ADGRL3: variants seen among roughly 807,000 people sequenced by gnomAD.
ADGRL3 encodes adhesion G protein-coupled receptor L3, also known as calcium-independent alpha-latrotoxin receptor 3.
ADGRL3 carries 62 observed loss-of-function variants against 153.5 expected under a neutral mutation model. The observed-to-expected ratio is 0.40, with a 90% CI of 0.33 to 0.50. The LOEUF (loss-of-function observed/expected upper bound fraction) is 0.50, where lower values mean the gene tolerates loss of function less well. ADGRL3 is among the 20% of genes least tolerant of loss of function. The pLI, the probability that ADGRL3 is intolerant of heterozygous loss-of-function variation, is 0.47. For missense variants in ADGRL3, 1,641 were observed against 1,859.4 expected, an observed-to-expected ratio of 0.88 and a Z score of 2.16; for synonymous variants, 710 against 672.5, an observed-to-expected ratio of 1.06 and a Z score of -0.86.
chr4:61,277,858 C>A (rs551191860), intron 1 of ADGRL3, among the ~76,000 whole-genome samples: 1 of 152,124 alleles, frequency 6.6e-6, no homozygotes, highest in African/African-American at 2.4e-5. Context: ...CATATTAGAC[C>A]TAGCAATGTA....
rs1300897095 is a variant in ADGRL3 at position 61,200,753 on chromosome 4, C to G, written c.-1252C>G. Among the ~76,000 whole-genome samples the G allele has an allele frequency of 6.6e-6, 1 of 152,128 alleles. No individual in the cohort carries two copies. The highest frequency in any genetic ancestry group is 1.9e-4 in the East Asian group (1 of 5,156). ...CTGGAGAGCGCCAGTGCCTCGCTCG[C>G]TCTTGGGGAGTCGAAGAAGAGAAAG... On this transcript the variant is annotated 5_prime_UTR_variant, in exon 1 of 27. Coordinates refer to ENST00000683033, the MANE Select transcript of ADGRL3 (RefSeq NM_001387552.1).
intron 2 of ADGRL3, among the ~76,000 whole-genome samples, chr4:61,458,366 A>T (rs563086340): frequency 3.3e-5 from 5 of 151,016 alleles, no homozygotes; most frequent in Admixed American, 2.6e-4. Flanking sequence ...GAGATTTATA[A>T]AAAACAATAA....
chr4:61,624,713 A>T (rs1222909542), intron 5 of ADGRL3, among the ~76,000 whole-genome samples: 2 of 152,122 alleles, frequency 1.3e-5, no homozygotes, highest in Non-Finnish European at 2.9e-5. Context: ...AGAAAGGCTG[A>T]GTTACTTTAT....
At chr4:61,658,510 T>C (rs1254730719) in intron 5 of ADGRL3, among the ~76,000 whole-genome samples, 2 of 152,174 alleles carry the variant, frequency 1.3e-5, no homozygotes, top group Admixed American at 6.6e-5. Flanking sequence ...TTACACAAGA[T>C]AAGTTAAGGA....
At chr4:61,407,952 T>G (rs777891214) in intron 2 of ADGRL3, among the ~76,000 whole-genome samples, 4 of 152,114 alleles carry the variant, frequency 2.6e-5, no homozygotes, top group Non-Finnish European at 5.9e-5. Context: ...ATTATCGTTA[T>G]GAGGAATGCA....
chr4:61,419,366 A>G (rs1215039507), intron 2 of ADGRL3, among the ~76,000 whole-genome samples: 2 of 150,794 alleles, frequency 1.3e-5, no homozygotes, highest in Admixed American at 6.6e-5. Flanking sequence ...AACAAGTGAG[A>G]TAACTATTTA....
intron 8 of ADGRL3, among the ~76,000 whole-genome samples, chr4:61,751,387 TA>T (rs952408053): frequency 1.3e-5 from 2 of 152,136 alleles, no homozygotes; most frequent in African/African-American, 4.8e-5. Context: ...ATTTAACCCT[TA>T]AAAACAAACA....
intron 1 of ADGRL3, among the ~76,000 whole-genome samples, chr4:61,349,171 G>C (rs1331160216): frequency 6.6e-6 from 1 of 151,924 alleles, no homozygotes; most frequent in Non-Finnish European, 1.5e-5. Flanking sequence ...GGCAGGACTA[G>C]TTTTAAAAAT....
intron 25 of ADGRL3, among the ~76,000 whole-genome samples, chr4:62,059,927 C>T (rs1739142059): frequency 6.6e-6 from 1 of 152,022 alleles, no homozygotes; most frequent in South Asian, 2.1e-4. Flanking sequence ...TAGAAAACAC[C>T]TACACAAAAA....
intron 2 of ADGRL3, among the ~76,000 whole-genome samples, chr4:61,410,629 C>T (rs1419076639): frequency 6.6e-6 from 1 of 152,178 alleles, no homozygotes; most frequent in South Asian, 2.1e-4. Context: ...GGACCCACCA[C>T]CCCAACCCGT....
At chr4:61,598,532 T>A (rs1393470869) in intron 5 of ADGRL3, among the ~76,000 whole-genome samples, 1 of 152,166 alleles carries the variant, frequency 6.6e-6, no homozygotes, top group Admixed American at 6.5e-5. Flanking sequence ...TAATTTTTTG[T>A]CAGAAATGAT....
intron 8 of ADGRL3, among the ~76,000 whole-genome samples, chr4:61,736,286 T>C (rs1280894331): frequency 6.6e-6 from 1 of 152,116 alleles, no homozygotes; most frequent in East Asian, 1.9e-4. Flanking sequence ...AAAAATGTAT[T>C]TGCTTGTCTG....
At chr4:61,726,368 T>C (rs536714173) in intron 6 of ADGRL3, among the ~76,000 whole-genome samples, 3 of 151,894 alleles carry the variant, frequency 2.0e-5, no homozygotes, top group African/African-American at 7.2e-5. Flanking sequence ...CCAGCTAATG[T>C]TTGTATTTTT....
chr4:61,436,897 A>AAAG (rs1553929458), intron 2 of ADGRL3, among the ~76,000 whole-genome samples: 1 of 151,652 alleles, frequency 6.6e-6, no homozygotes, highest in African/African-American at 2.4e-5. Context: ...TATCAAAAAA[A>AAAG]AGGGAGTCTA....
At chr4:61,674,052 C>T (rs2095098839) in intron 5 of ADGRL3, among the ~76,000 whole-genome samples, 1 of 151,196 alleles carries the variant, frequency 6.6e-6, no homozygotes, top group South Asian at 2.1e-4. Context: ...ATATTTACAA[C>T]AGATCGTTGC....
At chr4:62,011,372 C>A (rs994872536) in intron 21 of ADGRL3, among the ~76,000 whole-genome samples, 1 of 151,980 alleles carries the variant, frequency 6.6e-6, no homozygotes, top group Non-Finnish European at 1.5e-5. Flanking sequence ...CAAAAGCTTA[C>A]GATTCAATGT....
At chr4:61,748,989 A>G (rs2096713838) in intron 8 of ADGRL3, among the ~76,000 whole-genome samples, 1 of 151,676 alleles carries the variant, frequency 6.6e-6, no homozygotes, top group Non-Finnish European at 1.5e-5. Flanking sequence ...TCCAGAATCT[A>G]CAATGAACTC....
In ADGRL3 at chr4:61,895,762, T is replaced by C. The variant is rs944774081; in HGVS notation, c.1815T>C (p.Asp605=). The C allele has an allele frequency of 6.2e-7, 1 of 1,600,840 alleles. No homozygotes were observed. The highest frequency in any genetic ancestry group is 8.5e-7 in the Non-Finnish European group (1 of 1,172,784). The change falls in exon 11 of 27, where the codon GAT becomes GAC. Residue 605 remains aspartate, a synonymous_variant. Coordinates refer to ENST00000683033, the MANE Select transcript of ADGRL3 (RefSeq NM_001387552.1). The part of the protein sequence containing the change: ...GVSTYLCLAP[D]GIWDPQGPDL... ...CAACTTATCTATGCCTTGCTCCTGA[T>C]GGAATTTGGGATCCCCAAGGTCCAG...
At chr4:61,916,778 C>A (rs2098746999) in intron 13 of ADGRL3, among the ~76,000 whole-genome samples, 1 of 152,012 alleles carries the variant, frequency 6.6e-6, no homozygotes, top group South Asian at 2.1e-4. Context: ...CATGGTGAAA[C>A]CTTGTCTTCA....
Sources: gnomAD v4.1 joint callset for allele counts (sites outside exome capture counted in the v4.1 genomes callset) on GRCh38, gnomAD v4.1.1 for gene constraint, MANE v1.5 for transcripts, NCBI Gene and HGNC (gene_info 2026-07-23, HGNC 2026-07-21) for gene names.